The following CMSS1 variants were observed in gnomAD, a reference collection of about 807,000 sequenced individuals.
The protein encoded by CMSS1 is cms1 ribosomal small subunit homolog.
Under a neutral mutation model 43.5 loss-of-function variants are expected in CMSS1, and 33 were observed. That is an observed-to-expected ratio of 0.76 (90% CI 0.57 to 1.01). The LOEUF is 1.01. Among genes scored for constraint, CMSS1 ranks in the 50% least tolerant of loss-of-function variants. The pLI is 0.00. For missense variants in CMSS1, 313 were observed against 326.4 expected (o/e 0.96, Z 0.32); for synonymous variants, 115 against 117.2 (o/e 0.98, Z 0.12).
chr3:100,139,921 A>G lies in CMSS1; in HGVS notation c.65-7052A>G, dbSNP rs558245229. Among the ~76,000 whole-genome samples, 3 of 152,146 alleles carry G rather than the reference A, an allele frequency of 2.0e-5. 1 individual carries two copies. In the East Asian group the frequency reaches 5.8e-4, roughly 29 times the overall value. ...ATAAATTAGAACAGCAGAGTTGAGT[A>G]GTTATCAATAATGTTCATATTACTC... On this transcript the variant is annotated intron_variant, in intron 1 of 9. Coordinates refer to ENST00000421999, the MANE Select transcript of CMSS1 (RefSeq NM_032359.4).
intron 1 of CMSS1, chr3:99,848,335 G>A (rs1303847074): frequency 6.2e-7 from 1 of 1,614,168 alleles, no homozygotes; most frequent in Non-Finnish European, 8.5e-7. Flanking sequence ...GGCTGTTGGT[G>A]TGATAGTAAT....
At chr3:99,942,731 A>G (rs1707887547) in intron 1 of CMSS1, among the ~76,000 whole-genome samples, 1 of 152,066 alleles carries the variant, frequency 6.6e-6, no homozygotes, top group Non-Finnish European at 1.5e-5. Flanking sequence ...CTGGAGGCTG[A>G]GGCAGGAGAA....
At chr3:99,888,580 AC>A (rs1705982780) in intron 1 of CMSS1, among the ~76,000 whole-genome samples, 2 of 152,154 alleles carry the variant, frequency 1.3e-5, no homozygotes, top group South Asian at 4.1e-4. Context: ...TTGATCCATC[AC>A]TGAAAATAGA....
chr3:100,144,235 G>T (rs573579949), intron 1 of CMSS1, among the ~76,000 whole-genome samples: 1 of 152,246 alleles, frequency 6.6e-6, no homozygotes, highest in South Asian at 2.1e-4. Flanking sequence ...GTGTTTTTGA[G>T]TACATCTCTC....
chr3:100,055,956 C>T (rs901154084), intron 1 of CMSS1, among the ~76,000 whole-genome samples: 8 of 152,110 alleles, frequency 5.3e-5, no homozygotes, highest in African/African-American at 1.9e-4. Flanking sequence ...ATAGATAACA[C>T]TTGTGTATGG....
intron 1 of CMSS1, among the ~76,000 whole-genome samples, chr3:99,950,017 G>A (rs747860939): frequency 9.9e-4 from 151 of 151,970 alleles, no homozygotes; most frequent in Non-Finnish European, 1.8e-3. Flanking sequence ...TTCTACCTTC[G>A]ACTTTATATG....
chr3:100,175,515 A>T (rs1019019927), intron 8 of CMSS1, among the ~76,000 whole-genome samples: 10 of 152,202 alleles, frequency 6.6e-5, no homozygotes, highest in African/African-American at 2.2e-4. Context: ...TTTTTATTTT[A>T]ATTTTGCAGA....
chr3:100,081,185 A>T (rs559200956), intron 1 of CMSS1, among the ~76,000 whole-genome samples: 3 of 152,320 alleles, frequency 2.0e-5, no homozygotes, highest in African/African-American at 4.8e-5. Flanking sequence ...CTCTCTCAAG[A>T]TGGAACTTCA....
chr3:99,856,442 A>G (rs186911632), intron 1 of CMSS1, among the ~76,000 whole-genome samples: 20 of 152,310 alleles, frequency 1.3e-4, no homozygotes, highest in African/African-American at 4.3e-4. Context: ...TTCATGTTCT[A>G]GTACTGACAC....
intron 1 of CMSS1, among the ~76,000 whole-genome samples, chr3:100,078,434 G>A (rs925477721): frequency 6.6e-6 from 1 of 151,984 alleles, no homozygotes; most frequent in Non-Finnish European, 1.5e-5. Flanking sequence ...TTGCTACATA[G>A]CAAACCACTC....
chr3:99,857,992 G>A (rs1224407919), intron 1 of CMSS1, among the ~76,000 whole-genome samples: 3 of 152,084 alleles, frequency 2.0e-5, no homozygotes, highest in Admixed American at 6.5e-5. Flanking sequence ...GGCTAATTAG[G>A]AAAGAAAAAG....
chr3:99,878,807 C>G (rs1032193161), intron 1 of CMSS1, among the ~76,000 whole-genome samples: 1 of 152,212 alleles, frequency 6.6e-6, no homozygotes, highest in African/African-American at 2.4e-5. Flanking sequence ...ATTGCAAACT[C>G]CAACCAGCTG....
chr3:100,062,104 T>A (rs2065579474), intron 1 of CMSS1, among the ~76,000 whole-genome samples: 1 of 62,620 alleles, frequency 1.6e-5, no homozygotes. Flanking sequence ...TTTTTTTTTT[T>A]TTTTTTTTTT....
chr3:99,876,867 GA>G (rs1001540466), intron 1 of CMSS1, among the ~76,000 whole-genome samples: 2 of 151,908 alleles, frequency 1.3e-5, no homozygotes, highest in Non-Finnish European at 2.9e-5. Context: ...TTTTGGCAGG[GA>G]AAAAATTTTT....
intron 1 of CMSS1, among the ~76,000 whole-genome samples, chr3:99,907,171 A>C (rs557693443): frequency 2.6e-5 from 4 of 152,212 alleles, no homozygotes; most frequent in Admixed American, 1.3e-4. Context: ...TTGTACTCTT[A>C]ATACTTTGTC....
chr3:100,085,393 C>G (rs1404608115), intron 1 of CMSS1, among the ~76,000 whole-genome samples: 1 of 152,114 alleles, frequency 6.6e-6, no homozygotes, highest in Non-Finnish European at 1.5e-5. Context: ...CTGACTTTTA[C>G]TATAATAGCA....
chr3:100,019,395 C>G (rs558588864), intron 1 of CMSS1, among the ~76,000 whole-genome samples: 2 of 152,164 alleles, frequency 1.3e-5, no homozygotes, highest in South Asian at 4.1e-4. Context: ...AGTAACCTCT[C>G]AAACCTTACC....
Position 99,910,505 on chromosome 3 carries a change from G to T in CMSS1, c.64+92462G>T, listed in dbSNP as rs1706755143. Among the ~76,000 whole-genome samples the T allele has an allele frequency of 1.5e-5, 2 of 136,430 alleles. 1 individual carries two copies. Among genetic ancestry groups the T allele is most frequent in the African/African-American group, 5.0e-5 (2 of 40,036 alleles). 89.5% of individuals were successfully genotyped at this position (136,430 alleles called of 152,430 possible). On this transcript the variant is annotated intron_variant, in intron 1 of 9. Transcript: ENST00000421999. ...AAACACATGTCTTCACAGTTGTTAG[G>T]TGCTAGGTGAAGTGGCAGATGCATG...
intron 1 of CMSS1, among the ~76,000 whole-genome samples, chr3:100,013,975 C>G (rs1220898809): frequency 6.6e-6 from 1 of 152,088 alleles, no homozygotes; most frequent in Non-Finnish European, 1.5e-5. Flanking sequence ...GTGCCGCCCC[C>G]TTCCCACTGC....
Sources: allele counts gnomAD v4.1 joint callset (sites outside exome capture counted in the v4.1 genomes callset), GRCh38; gene constraint gnomAD v4.1.1; transcripts MANE v1.5; gene names NCBI Gene and HGNC (gene_info 2026-07-23, HGNC 2026-07-21).